Variants in AFAP1 observed in about 807,000 individuals in gnomAD.
AFAP1 encodes the protein actin filament associated protein 1.
A neutral mutation model predicts 93.9 loss-of-function variants in AFAP1; 75 were observed. The ratio of observed to expected loss-of-function variants is 0.80; its 90% CI spans 0.66 to 0.97. The LOEUF (loss-of-function observed/expected upper bound fraction) is 0.97, where lower values mean the gene tolerates loss of function less well. Ranked by LOEUF, AFAP1 falls within the 50% of genes least tolerant of loss-of-function variation. The pLI, the probability that AFAP1 is intolerant of heterozygous loss-of-function variation, is 0.00. For missense variants in AFAP1, 1,201 were observed against 1,050.8 expected (o/e 1.14, Z -1.98); for synonymous variants, 517 against 430.7 (o/e 1.20, Z -2.48).
intron 1 of AFAP1, among the ~76,000 whole-genome samples, chr4:7,886,850 T>C (rs1411243004): frequency 1.3e-5 from 2 of 152,146 alleles, no homozygotes; most frequent in Admixed American, 6.6e-5. Flanking sequence ...TTAAATATGA[T>C]ATCGAAAGCA....
intron 10 of AFAP1, chr4:7,798,946 G>A (rs766580004): frequency 5.1e-6 from 5 of 986,712 alleles, no homozygotes; most frequent in Non-Finnish European, 6.0e-6. Flanking sequence ...TCTCAGATCT[G>A]CTGTCAGAGC....
At chr4:7,901,160 C>T (rs1429357876) in intron 1 of AFAP1, among the ~76,000 whole-genome samples, 2 of 152,196 alleles carry the variant, frequency 1.3e-5, no homozygotes, top group Non-Finnish European at 2.9e-5. Context: ...TTAAGCATGA[C>T]CACAAGGCAT....
chr4:7,780,373 T>A (rs993915564), intron 13 of AFAP1, among the ~76,000 whole-genome samples: 10 of 152,236 alleles, frequency 6.6e-5, no homozygotes, highest in African/African-American at 2.4e-4. Flanking sequence ...TATCTATAAT[T>A]CTACAATTTT....
At chr4:7,908,909 T>C (rs1256762155) in intron 1 of AFAP1, among the ~76,000 whole-genome samples, 1 of 140,688 alleles carries the variant, frequency 7.1e-6, no homozygotes, top group Non-Finnish European at 1.5e-5. Flanking sequence ...ACGTGCTTAG[T>C]GTAGGAAGTG....
chr4:7,816,630 A>G (rs565390929), intron 7 of AFAP1, among the ~76,000 whole-genome samples: 108 of 152,322 alleles, frequency 7.1e-4, no homozygotes, highest in African/African-American at 2.4e-3. Context: ...CTCAGTCCTA[A>G]CGTCTGGATT....
chr4:7,874,530 A>ATTTTTTTTTTTT (rs71175435), intron 1 of AFAP1, among the ~76,000 whole-genome samples: 3 of 51,508 alleles, frequency 5.8e-5, no homozygotes, highest in African/African-American at 2.2e-4. Flanking sequence ...TGCCCAGCTA[A>ATTTTTTTTTTTT]TTTTTTTTTT....
intron 17 of AFAP1, among the ~76,000 whole-genome samples, chr4:7,764,884 T>C (rs1251314136): frequency 6.6e-6 from 1 of 152,054 alleles, no homozygotes; most frequent in Non-Finnish European, 1.5e-5. Flanking sequence ...GGTGGGAGGA[T>C]TGTGTGATGC....
chr4:7,798,195 A>G (rs1718642978), intron 10 of AFAP1, among the ~76,000 whole-genome samples: 1 of 115,080 alleles, frequency 8.7e-6, no homozygotes, highest in African/African-American at 3.5e-5. Flanking sequence ...CTGCAACTCT[A>G]TTGGCTGGCT....
rs1450639674 is a variant in AFAP1 at position 7,786,252 on chromosome 4, T to A, written c.1472A>T (p.Tyr491Phe). 6.2e-7 allele frequency: 1 copy of A among 1,614,164 alleles called. No homozygotes were observed. Residue 491 changes from tyrosine to phenylalanine, a missense_variant, in exon 12 of 18, where the codon TAT (tyrosine) becomes TTT (phenylalanine). Transcript: ENST00000420658. ...AAGTGCCGTCCCGCTGGGGTGGGCA[T>A]AGCCGTTGGAGGTGCCCCCTAGATA... is the stretch of plus-strand genomic sequence containing the variant. ...NPYLGGTSNG[Y>F]AHPSGTALHY...
At chr4:7,795,405 CTTTTTTTTTTTTTTTTTTTTTTTTT>C (rs35550085) in intron 10 of AFAP1, among the ~76,000 whole-genome samples, 4 of 62,082 alleles carry the variant, frequency 6.4e-5, no homozygotes, top group Non-Finnish European at 5.5e-5. Flanking sequence ...AAAACAAAAT[CTTTTTTTTTTTTTTTTTTTTTTTTT>C]TTTTTTTTTT....
intron 1 of AFAP1, among the ~76,000 whole-genome samples, chr4:7,911,450 T>C (rs980126806): frequency 1.9e-4 from 29 of 152,224 alleles, no homozygotes; most frequent in African/African-American, 6.0e-4. Flanking sequence ...GTGCTTTCTA[T>C]CATTTTCATA....
chr4:7,766,561 G>T (rs539443992), intron 17 of AFAP1, among the ~76,000 whole-genome samples: 2 of 119,806 alleles, frequency 1.7e-5, no homozygotes, highest in African/African-American at 6.4e-5. Context: ...ACTGTGTCAC[G>T]GGAGGGAAAC....
chr4:7,883,750 T>C (rs1717984412), intron 1 of AFAP1, among the ~76,000 whole-genome samples: 2 of 152,220 alleles, frequency 1.3e-5, no homozygotes, highest in South Asian at 4.1e-4. Flanking sequence ...TTAAATAATT[T>C]AGCAAGAAAT....
At chr4:7,794,516 C>T (rs1464804624) in intron 10 of AFAP1, among the ~76,000 whole-genome samples, 2 of 151,754 alleles carry the variant, frequency 1.3e-5, no homozygotes, top group Admixed American at 6.6e-5. Context: ...TTTAAGCCAT[C>T]CTTTTATTTA....
intron 15 of AFAP1, 114 bp from the exon 16 acceptor site, chr4:7,773,124 CCT>C: frequency 6.9e-7 from 1 of 1,444,034 alleles, no homozygotes; most frequent in Non-Finnish European, 9.1e-7. Flanking sequence ...GTCGAGCTCC[CCT>C]GACTTAGGTC....
intron 6 of AFAP1, among the ~76,000 whole-genome samples, chr4:7,827,569 C>CCAAAAA (rs1390814580): frequency 1.9e-5 from 1 of 52,254 alleles, no homozygotes; most frequent in African/African-American, 8.0e-5. Flanking sequence ...ACTCTGTCTC[C>CCAAAAA]AAAAAAAAAA....
intron 1 of AFAP1, among the ~76,000 whole-genome samples, chr4:7,929,310 GC>G (rs1434532945): frequency 1.3e-5 from 2 of 152,118 alleles, no homozygotes; most frequent in East Asian, 1.9e-4. Flanking sequence ...GGCCCAGGCT[GC>G]CCCCATCTGC....
intron 14 of AFAP1, chr4:7,776,225 A>C (rs1274148420): frequency 1.3e-5 from 2 of 152,202 alleles, no homozygotes; most frequent in African/African-American, 4.8e-5. Flanking sequence ...TAGAAGCCAC[A>C]GGGGTGGCAT....
chr4:7,851,736 C>T (rs756632507), intron 4 of AFAP1, among the ~76,000 whole-genome samples: 3 of 152,206 alleles, frequency 2.0e-5, no homozygotes, highest in Admixed American at 2.0e-4. Context: ...GAGTACCCTA[C>T]CTGCCAACAG....
Sources: gnomAD v4.1 joint callset for allele counts (sites outside exome capture counted in the v4.1 genomes callset) on GRCh38, gnomAD v4.1.1 for gene constraint, MANE v1.5 for transcripts, NCBI Gene and HGNC (gene_info 2026-07-23, HGNC 2026-07-21) for gene names.